The following GPR179 variants were observed in gnomAD, a reference collection of about 807,000 sequenced individuals.
The protein encoded by GPR179 is probable G protein-coupled receptor 179.
A neutral mutation model predicts 70.8 loss-of-function variants in GPR179; 52 were observed. The observed-to-expected ratio is 0.73, with a 90% CI of 0.59 to 0.93. The LOEUF is 0.93. Ranked by LOEUF, GPR179 falls within the 40% of genes least tolerant of loss-of-function variation. The pLI is 0.00. For synonymous variants in GPR179, 1,123 were observed against 1,169.0 expected (o/e 0.96, Z 0.80); for missense variants, 2,734 against 2,966.8 (o/e 0.92, Z 1.82).
intron 4 of GPR179, 129 bp downstream of exon 4, chr17:38,336,849 G>A (rs2037407659): frequency 2.1e-6 from 2 of 957,606 alleles, no homozygotes; most frequent in Non-Finnish European, 3.1e-6. Flanking sequence ...CTTGCATCAT[G>A]CTACACAGTG....
Position 38,328,799 on chromosome 17 carries a change from T to TG in GPR179, c.4769dup (p.Glu1591ArgfsTer9). On this transcript the variant is annotated frameshift_variant, in exon 11 of 11. Coordinates refer to ENST00000616987, the MANE Select transcript of GPR179 (RefSeq NM_001004334.4). LOFTEE classifies it low-confidence loss of function (END_TRUNC). ...CATTTACCTCCCAGGGACAGATTTC[T>TG]GTTTTGGCAGGTGTTGCTTCCTGTG... 6.2e-7 allele frequency: 1 copy of TG among 1,614,200 alleles called. No homozygotes were observed. Among genetic ancestry groups the TG allele is most frequent in the South Asian group, 1.1e-5 (1 of 91,086 alleles).
Position 38,343,224 on chromosome 17 carries a change from G to C in GPR179, c.566C>G (p.Pro189Arg). The C allele has an allele frequency of 6.2e-7, 1 of 1,614,120 alleles. No homozygotes were observed. Among genetic ancestry groups the C allele is most frequent in the East Asian group, 2.2e-5 (1 of 44,866 alleles). The stretch of plus-strand genomic sequence containing the variant: ...CAGGGCAGGGGTGTCCAGGTCCCCA[G>C]GAGGGTTCTCCTCCTGCACCCAGTT... ...SGNWVQEENP[P>R]GDLDTPALKK... The change falls in exon 1 of 11, where the codon CCT becomes CGT. Residue 189 changes from proline to arginine, a missense_variant. Transcript: ENST00000616987. The surrounding 1 kb of genome is among the most constrained non-coding windows in gnomAD (Gnocchi z 4.2).
In GPR179 at chr17:38,330,921, A is replaced by C. The variant is rs1176526876; in HGVS notation, c.2648T>G (p.Val883Gly). Residue 883 changes from valine (V) to glycine (G), a missense_variant, in exon 11 of 11, where the codon GTG (valine) becomes GGG (glycine). Physicochemically the swap from Val to Gly is moderately radical, Grantham distance 109. Transcript: ENST00000616987. ...CAGCCTCCTGGCTGATGGCCTCCGC[A>C]CCAGGCTGGCCATGGCTGCCTTGGC... ...KKAKAAMASL[V>G]RRPSARRLER... The C allele has an allele frequency of 6.2e-7, 1 of 1,608,062 alleles. No individual in the cohort carries two copies. Among genetic ancestry groups the C allele is most frequent in the South Asian group, 1.1e-5 (1 of 89,952 alleles).
In GPR179 at chr17:38,329,090, C is replaced by T. The variant is rs755037936; in HGVS notation, c.4479G>A (p.Leu1493=). The change falls in exon 11 of 11, where the codon CTG becomes CTA. Residue 1493 remains leucine (L), a synonymous_variant. Transcript: ENST00000616987. ...LDDNVMGQEM[L]SLGTGRESLQ... The stretch of plus-strand genomic sequence containing the variant: ...GAGATTCTCTACCTGTCCCCAGACT[C>T]AGCATTTCCTGCCCCATCACGTTAT... 6.2e-7 allele frequency: 1 copy of T among 1,612,786 alleles called. No homozygotes were observed. Among genetic ancestry groups the T allele is most frequent in the South Asian group, 1.1e-5 (1 of 91,004 alleles).
chr17:38,333,887 CAG>C (rs773043772), intron 9 of GPR179, 44 bp downstream of exon 9: 3 of 1,453,894 alleles, frequency 2.1e-6, no homozygotes, highest in Non-Finnish European at 2.9e-6. Context: ...GTGGCCCTGA[CAG>C]AGGGGCTGGG....
At chr17:38,340,491 AG>A (rs1382149621) in intron 1 of GPR179, among the ~76,000 whole-genome samples, 4 of 152,192 alleles carry the variant, frequency 2.6e-5, no homozygotes, top group Admixed American at 2.6e-4. Flanking sequence ...TATATTGTTC[AG>A]GCTGGTCTTG....
intron 1 of GPR179, 43 bp from the exon 2 acceptor site, chr17:38,339,568 C>T (rs755093019): frequency 3.6e-6 from 5 of 1,383,412 alleles, no homozygotes; most frequent in Admixed American, 1.7e-5. Context: ...TGATTGATGC[C>T]AAAGTGGACG....
At position 38,329,960 on chromosome 17, in the gene GPR179, C is replaced by T; in HGVS notation, c.3609G>A (p.Leu1203=). The change falls in exon 11 of 11, where the codon CTG becomes CTA. Residue 1203 remains leucine (L), a synonymous_variant. Transcript: ENST00000616987. ...ERAGKTGLAM[L]RQVSRDKNIK... ...TGTTTTTGTCCCTGGAAACTTGCCT[C>T]AGCATGGCAAGCCCTGTTTTACCTG... 6.2e-7 allele frequency: 1 copy of T among 1,614,220 alleles called. No individual in the cohort carries two copies. Among genetic ancestry groups the T allele is most frequent in the Non-Finnish European group, 8.5e-7 (1 of 1,180,050 alleles).
At position 38,325,280 on chromosome 17, in the gene GPR179, G is replaced by T. The variant is rs2037275406; in HGVS notation, c.*1185C>A. Among the ~76,000 whole-genome samples the T allele has an allele frequency of 6.6e-6, 1 of 152,150 alleles. No individual in the cohort carries two copies. Among genetic ancestry groups the T allele is most frequent in the Non-Finnish European group, 1.5e-5 (1 of 68,030 alleles). On this transcript the variant is annotated 3_prime_UTR_variant, in exon 11 of 11. Transcript: ENST00000616987. ...AAGAGAGAGCTCCCTAAGAAAGAAG[G>T]CTTTGTCTTCACACAGTGCCCTTTT... is the stretch of plus-strand genomic sequence containing the variant.
At position 38,330,908 on chromosome 17, in the gene GPR179, T is replaced by G. The variant is rs1221935324; in HGVS notation, c.2661A>C (p.Ser887=). Residue 887 remains serine, a synonymous_variant, in exon 11 of 11, where the codon TCA becomes TCC. Transcript: ENST00000616987. Reference sequence around the variant, plus strand: ...CTCGAGGCCGCTCCAGCCTCCTGGCTGATGGCCTCCGCACCAGGCTGGCCA... The same window carrying G: ...CTCGAGGCCGCTCCAGCCTCCTGGCGGATGGCCTCCGCACCAGGCTGGCCA... ...AAMASLVRRP[S]ARRLERPRGA... is the part of the protein sequence containing the mutation. 9 of 1,606,306 alleles carry G rather than the reference T, an allele frequency of 5.6e-6. No homozygotes were observed. The highest frequency in any genetic ancestry group is 6.8e-6 in the Non-Finnish European group (8 of 1,176,960).
chr17:38,335,293 G>A, intron 6 of GPR179, 22 bp from the exon 7 acceptor site: 1 of 1,526,492 alleles, frequency 6.6e-7, no homozygotes, highest in Non-Finnish European at 8.9e-7. Flanking sequence ...AGAATACACA[G>A]GGTGGATGGC....
At position 38,332,156 on chromosome 17, in the gene GPR179, G is replaced by A. The variant is rs534428691; in HGVS notation, c.2038-625C>T. 3.1e-3 allele frequency among the ~76,000 whole-genome samples: 467 copies of A among 152,248 alleles called. 2 individuals carry two copies. Among genetic ancestry groups the A allele is most frequent in the Non-Finnish European group, 6.0e-3 (409 of 68,018 alleles). The stretch of plus-strand genomic sequence containing the variant: ...GAGGCAGGGCAGGCAGAGCTCAGAG[G>A]GTGAGGACACAAGGGGGAAACGGGC... On this transcript the variant is annotated intron_variant, in intron 10 of 10. Coordinates refer to ENST00000616987, the MANE Select transcript of GPR179 (RefSeq NM_001004334.4).
In GPR179 at chr17:38,343,103, C is replaced by T. The variant is rs2037463088; in HGVS notation, c.687G>A (p.Leu229=). ...CCTGGCATTCCAGGAAAGGAGGAGA[C>T]AGCCTCACCTGCTGCGTGTCCCCCA... ...GYVGDTQQVR[L]SPPFLECQEG... is the part of the protein sequence containing the mutation. Residue 229 remains leucine, a synonymous_variant, in exon 1 of 11, where the codon CTG becomes CTA. Coordinates refer to ENST00000616987, the MANE Select transcript of GPR179 (RefSeq NM_001004334.4). The surrounding 1 kb of genome is among the most constrained non-coding windows in gnomAD (Gnocchi z 4.2). 6.2e-7 allele frequency: 1 copy of T among 1,614,218 alleles called. No homozygotes were observed. Among genetic ancestry groups the T allele is most frequent in the Non-Finnish European group, 8.5e-7 (1 of 1,180,014 alleles).
rs759359865 is a variant in GPR179 at position 38,331,397 on chromosome 17, C to T, written c.2172G>A (p.Ala724=). The change falls in exon 11 of 11, where the codon GCG becomes GCA. Residue 724 remains alanine, a synonymous_variant. Transcript: ENST00000616987. The stretch of plus-strand genomic sequence containing the variant: ...GCCTGGCCAGGGCCTCGGGGAATTC[C>T]GCCAGGTACCTCATGAAGGAGCGGC... ...GLGRSFMRYL[A]EFPEALARQH... is the part of the protein sequence containing the mutation. 42 of 1,614,080 alleles carry T rather than the reference C, an allele frequency of 2.6e-5. No individual in the cohort carries two copies. Among genetic ancestry groups the T allele is most frequent in the Middle Eastern group, 1.7e-4 (1 of 6,058 alleles).
chr17:38,337,655 G>C lies in GPR179; in HGVS notation c.969C>G (p.Phe323Leu). 2 of 1,606,104 alleles carry C rather than the reference G, an allele frequency of 1.2e-6. No individual in the cohort carries two copies. Among genetic ancestry groups the C allele is most frequent in the Admixed American group, 1.7e-5 (1 of 58,820 alleles). Residue 323 changes from phenylalanine (F) to leucine (L), a missense_variant, in exon 3 of 11, where the codon TTC becomes TTG. By Grantham distance (22) the Phe-to-Leu change is conservative. Transcript: ENST00000616987. ...GRYLCRCRPG[F>L]YGASPSGGLE... ...TACCCCCAGAGGGGCTTGCCCCGTAGAATCCAGGTCGGCAGCGGCAGAGGT... is the reference window on the plus strand; with the variant it reads ...TACCCCCAGAGGGGCTTGCCCCGTACAATCCAGGTCGGCAGCGGCAGAGGT...
chr17:38,324,832 A>G lies in GPR179; in HGVS notation c.*1633T>C, dbSNP rs569371554. Among the ~76,000 whole-genome samples the G allele has an allele frequency of 6.6e-6, 1 of 152,348 alleles. No homozygotes were observed. The highest frequency in any genetic ancestry group is 2.1e-4 in the South Asian group (1 of 4,826). On this transcript the variant is annotated 3_prime_UTR_variant, in exon 11 of 11. Transcript: ENST00000616987. ...AGAGAATGAGGACATCTGGTCCCCA[A>G]AGGAGAGTAGGTTACTCCATTCCTC...
chr17:38,328,300 C>G lies in GPR179; in HGVS notation c.5269G>C (p.Glu1757Gln). ...APEKPQKPTPEWEVACPWGSV... is the reference protein window; with the variant it reads ...APEKPQKPTPQWEVACPWGSV... The stretch of plus-strand genomic sequence containing the variant: ...CCCCAGGGACAAGCCACCTCCCACT[C>G]TGGGGTTGGCTTCTGTGGCTTCTCT... The change falls in exon 11 of 11, where the codon GAG becomes CAG. Residue 1757 changes from glutamate to glutamine, a missense_variant. Coordinates refer to ENST00000616987, the MANE Select transcript of GPR179 (RefSeq NM_001004334.4). The G allele has an allele frequency of 6.2e-7, 1 of 1,614,060 alleles. No individual in the cohort carries two copies. Among genetic ancestry groups the G allele is most frequent in the Non-Finnish European group, 8.5e-7 (1 of 1,180,030 alleles).
Position 38,329,345 on chromosome 17 carries a change from T to C in GPR179, c.4224A>G (p.Lys1408=), listed in dbSNP as rs928825195. Residue 1408 remains lysine (K), a synonymous_variant, in exon 11 of 11, where the codon AAA becomes AAG. Coordinates refer to ENST00000616987, the MANE Select transcript of GPR179 (RefSeq NM_001004334.4). ...AVKDLPQEKQ[K]TRKATFWKEQ... is the part of the protein sequence containing the mutation. ...CTTTCCAAAAGGTTGCTTTCCTGGT[T>C]TTCTGCTTTTCCTGAGGGAGATCCT... 8 of 1,613,284 alleles carry C rather than the reference T, an allele frequency of 5.0e-6. No homozygotes were observed. Among genetic ancestry groups the C allele is most frequent in the Non-Finnish European group, 6.8e-6 (8 of 1,179,772 alleles).
At position 38,337,644 on chromosome 17, in the gene GPR179, C is replaced by T. The variant is rs765687613; in HGVS notation, c.980G>A (p.Ser327Asn). 1.9e-6 allele frequency: 3 copies of T among 1,606,374 alleles called. No homozygotes were observed. The African/African-American group carries it at 4.0e-5, about 22-fold the overall frequency. Residue 327 changes from serine to asparagine, a missense_variant, in exon 3 of 11, where the codon AGC (serine) becomes AAC (asparagine). Physicochemically the swap from Ser to Asn is conservative, Grantham distance 46 (BLOSUM62 1). Coordinates refer to ENST00000616987, the MANE Select transcript of GPR179 (RefSeq NM_001004334.4). ...CCACACTTACATACCCCCAGAGGGG[C>T]TTGCCCCGTAGAATCCAGGTCGGCA... ...CRCRPGFYGA[S>N]PSGGLEESDF...
Sources: gnomAD v4.1 joint callset for allele counts (sites outside exome capture counted in the v4.1 genomes callset) on GRCh38, gnomAD v4.1.1 for gene constraint, Gnocchi (gnomAD v3.1) non-coding constraint, MANE v1.5 for transcripts, NCBI Gene and HGNC (gene_info 2026-07-23, HGNC 2026-07-21) for gene names.